USP14: variants seen among roughly 807,000 people sequenced by gnomAD.
USP14 encodes ubiquitin carboxyl-terminal hydrolase 14.
USP14 carries 38 observed loss-of-function variants against 76.5 expected under a neutral mutation model. That is an observed-to-expected ratio of 0.50 (90% CI 0.38 to 0.65). The LOEUF (loss-of-function observed/expected upper bound fraction) is 0.65. Among genes scored for constraint, USP14 ranks in the 30% least tolerant of loss-of-function variants. The pLI is 0.00. For missense variants in USP14, 467 were observed against 586.5 expected (o/e 0.80, Z 2.10); for synonymous variants, 192 against 191.7 (o/e 1.00, Z -0.01).
chr18:183,397 G>A (rs1909838406), intron 5 of USP14, among the ~76,000 whole-genome samples: 1 of 151,388 alleles, frequency 6.6e-6, no homozygotes, highest in Non-Finnish European at 1.5e-5. Flanking sequence ...AGTACTCAGT[G>A]AGCACTTTTA....
chr18:184,613 A>G (rs1909877975), intron 5 of USP14, among the ~76,000 whole-genome samples: 1 of 151,904 alleles, frequency 6.6e-6, no homozygotes, highest in Admixed American at 6.6e-5. Context: ...CAAACAAAAA[A>G]CCAAAAATTA....
At position 196,671 on chromosome 18, in the gene USP14, T is replaced by C. The variant is rs1910245673; in HGVS notation, c.498T>C (p.Thr166=). ...LRDLFDSMDK[T]SSSIPPIILL... ...ATTTGTTTGATTCCATGGATAAAAC[T>C]TCTTCCAGTATTCCACCTATTATTC... is the stretch of plus-strand genomic sequence containing the variant. Residue 166 remains threonine, a synonymous_variant, in exon 7 of 16, where the codon ACT becomes ACC. Transcript: ENST00000261601. 4 of 1,614,034 alleles carry C rather than the reference T, an allele frequency of 2.5e-6. No individual in the cohort carries two copies. Among genetic ancestry groups the C allele is most frequent in the Non-Finnish European group, 3.4e-6 (4 of 1,179,958 alleles).
chr18:198,722 A>T (rs1051735723), intron 9 of USP14, among the ~76,000 whole-genome samples: 3 of 152,102 alleles, frequency 2.0e-5, no homozygotes, highest in Non-Finnish European at 4.4e-5. Context: ...CATTCACCTT[A>T]TAAAGAATTA....
intron 6 of USP14, among the ~76,000 whole-genome samples, chr18:193,676 G>A (rs1046269913): frequency 1.4e-4 from 21 of 152,056 alleles, no homozygotes; most frequent in African/African-American, 5.1e-4. Flanking sequence ...ACTCTAAATG[G>A]AATTAAATAA....
intron 15 of USP14, among the ~76,000 whole-genome samples, 165 bp from the exon 16 acceptor site, chr18:210,968 T>G (rs546298282): frequency 4.9e-4 from 75 of 152,358 alleles, no homozygotes; most frequent in African/African-American, 1.7e-3. Context: ...GTGGAACCCC[T>G]GCAGTGCCCT....
intron 6 of USP14, among the ~76,000 whole-genome samples, chr18:193,130 T>C (rs1236675052): frequency 1.3e-5 from 2 of 152,212 alleles, no homozygotes; most frequent in Non-Finnish European, 2.9e-5. Context: ...GATTAAATTA[T>C]AATTTTGGCT....
chr18:213,886 G>A lies in USP14; in HGVS notation c.*2602G>A, dbSNP rs1483058765. On this transcript the variant is annotated 3_prime_UTR_variant, in exon 16 of 16. Transcript: ENST00000261601. ...AGTCTTGAGAGGTCAGGCAATTTTT[G>A]TAAGGCTAGAAGGAAAAGTGAGGTT... 3 of 152,210 alleles carry A rather than the reference G, an allele frequency of 2.0e-5. No individual in the cohort carries two copies. The highest frequency in any genetic ancestry group is 1.3e-4 in the Admixed American group (2 of 15,270). 9.4% of individuals were successfully genotyped at this position (152,210 alleles called of 1,614,324 possible).
chr18:189,005 C>G (rs1341126567), intron 5 of USP14, among the ~76,000 whole-genome samples: 3 of 152,082 alleles, frequency 2.0e-5, no homozygotes, highest in African/African-American at 7.2e-5. Flanking sequence ...TGTACTTATT[C>G]TCTTCTAAAG....
At chr18:173,269 G>C (rs11663945) in intron 3 of USP14, among the ~76,000 whole-genome samples, 23,618 of 150,296 alleles carry the variant, frequency 0.16, 2,380 homozygotes, top group Non-Finnish European at 0.23. Flanking sequence ...CACCACACCC[G>C]GCTATTTTTT....
intron 5 of USP14, among the ~76,000 whole-genome samples, chr18:180,764 A>G (rs113800937): frequency 2.6e-5 from 4 of 151,940 alleles, no homozygotes; most frequent in South Asian, 2.1e-4. Flanking sequence ...CCTCATTCCT[A>G]TTTTATGGCT....
chr18:158,635 C>T lies in USP14; in HGVS notation c.-64C>T. On this transcript the variant is annotated 5_prime_UTR_variant, in exon 1 of 16. Coordinates refer to ENST00000261601, the MANE Select transcript of USP14 (RefSeq NM_005151.4). Reference sequence around the variant, plus strand: ...CGCCGCCGCAGCTGCTCCTGGTCCCCGTCCCTTTGCCGCCCTCGTCAGGCC... The same window carrying T: ...CGCCGCCGCAGCTGCTCCTGGTCCCTGTCCCTTTGCCGCCCTCGTCAGGCC... 1.3e-6 allele frequency: 2 copies of T among 1,498,070 alleles called. No individual in the cohort carries two copies. Among genetic ancestry groups the T allele is most frequent in the South Asian group, 2.5e-5 (2 of 81,628 alleles). 92.8% of individuals were successfully genotyped at this position (1,498,070 alleles called of 1,614,324 possible).
intron 3 of USP14, among the ~76,000 whole-genome samples, chr18:175,220 G>A (rs1909594979): frequency 6.6e-6 from 1 of 152,084 alleles, no homozygotes; most frequent in South Asian, 2.1e-4. Flanking sequence ...TGCAAATAAG[G>A]ACAGTTTTAT....
intron 3 of USP14, among the ~76,000 whole-genome samples, chr18:171,025 A>AAATATATATATATATAT (rs1327304974): frequency 2.7e-3 from 128 of 47,568 alleles, no homozygotes; most frequent in Non-Finnish European, 3.6e-3. Context: ...AAAAAAAAAA[A>AAATATATATATATATAT]ATATATATAT....
rs199707354 is a variant in USP14 at position 184,215 on chromosome 18, C to G, written c.404+3876C>G. 4.4e-4 allele frequency among the ~76,000 whole-genome samples: 67 copies of G among 151,744 alleles called. 1 individual carries two copies. The East Asian group carries it at 0.011, about 25-fold the overall frequency. On this transcript the variant is annotated intron_variant, in intron 5 of 15. Transcript: ENST00000261601. ...ATTTTTTCTTTTTTTTGTACAGCAA[C>G]CTCTGATGCCAAACAAAAGAAGTAG...
chr18:174,609 CTTTTTTT>C (rs112640574), intron 3 of USP14, among the ~76,000 whole-genome samples: 1 of 134,766 alleles, frequency 7.4e-6, no homozygotes, highest in Non-Finnish European at 1.6e-5. Flanking sequence ...ACTTTTCTTT[CTTTTTTT>C]TTTTTTTTTT....
chr18:180,300 G>A lies in USP14; in HGVS notation c.365G>A (p.Cys122Tyr), dbSNP rs780340576. The A allele has an allele frequency of 6.3e-7, 1 of 1,592,298 alleles. No individual in the cohort carries two copies. The highest frequency in any genetic ancestry group is 8.5e-7 in the Non-Finnish European group (1 of 1,174,416). ...TGTTACATGAATGCCACAGTTCAGT[G>A]TATTCGTTCTGTGCCTGAACTCAAA... ...NTCYMNATVQCIRSVPELKDA... is the reference protein window; with the variant it reads ...NTCYMNATVQYIRSVPELKDA... The change falls in exon 5 of 16, where the codon TGT becomes TAT. Residue 122 changes from cysteine to tyrosine, a missense_variant. Transcript: ENST00000261601.
Position 213,894 on chromosome 18 carries a change from A to G in USP14, c.*2610A>G, listed in dbSNP as rs995991395. On this transcript the variant is annotated 3_prime_UTR_variant, in exon 16 of 16. Transcript: ENST00000261601. ...GAGGTCAGGCAATTTTTGTAAGGCT[A>G]GAAGGAAAAGTGAGGTTTTAGACTT... 6.6e-6 allele frequency: 1 copy of G among 152,262 alleles called. No homozygotes were observed. The highest frequency in any genetic ancestry group is 1.5e-5 in the Non-Finnish European group (1 of 68,084). 9.4% of individuals were successfully genotyped at this position (152,262 alleles called of 1,614,324 possible).
intron 2 of USP14, among the ~76,000 whole-genome samples, chr18:164,593 A>G (rs1394937673): frequency 6.6e-6 from 1 of 151,946 alleles, no homozygotes; most frequent in Non-Finnish European, 1.5e-5. Context: ...AGCTGGGATT[A>G]CAGGTGTCTA....
chr18:210,175 T>C (rs1017272672), intron 14 of USP14, 144 bp downstream of exon 14: 42 of 754,372 alleles, frequency 5.6e-5, no homozygotes, highest in Middle Eastern at 6.1e-4. Context: ...TAATGACATA[T>C]AGTAAATTTA....
Sources: gnomAD v4.1 joint callset for allele counts (sites outside exome capture counted in the v4.1 genomes callset) on GRCh38, gnomAD v4.1.1 for gene constraint, MANE v1.5 for transcripts, NCBI Gene and HGNC (gene_info 2026-07-23, HGNC 2026-07-21) for gene names.